The following EPHA3 variants were observed in gnomAD, a reference collection of about 807,000 sequenced individuals.
The protein encoded by EPHA3 is EPH receptor A3.
In EPHA3, 42 loss-of-function variants were observed where a neutral mutation model predicts 107.1. The ratio of observed to expected loss-of-function variants is 0.39; its 90% CI spans 0.31 to 0.51. The LOEUF (loss-of-function observed/expected upper bound fraction) is 0.51. EPHA3 is among the 20% of genes least tolerant of loss of function. The probability of loss-of-function intolerance (pLI) is 0.78; values close to 1 mark genes in which losing one functional copy is unlikely to be tolerated. For synonymous variants in EPHA3, 461 were observed against 424.8 expected, an observed-to-expected ratio of 1.09 and a Z score of -1.05; for missense variants, 1,183 against 1,211.2, an observed-to-expected ratio of 0.98 and a Z score of 0.35.
At chr3:89,385,545 C>T (rs1209223393) in intron 5 of EPHA3, among the ~76,000 whole-genome samples, 1 of 152,158 alleles carries the variant, frequency 6.6e-6, no homozygotes, top group East Asian at 1.9e-4. Flanking sequence ...CCTGAGGCCT[C>T]CCTAGTCCTG....
chr3:89,435,714 A>G (rs1321366055), intron 13 of EPHA3, among the ~76,000 whole-genome samples: 1 of 149,638 alleles, frequency 6.7e-6, no homozygotes, highest in Non-Finnish European at 1.5e-5. Flanking sequence ...GCACTTTGAG[A>G]GGCTAAAGCA....
chr3:89,196,101 C>A (rs1705831112), intron 2 of EPHA3, among the ~76,000 whole-genome samples: 2 of 152,086 alleles, frequency 1.3e-5, no homozygotes, highest in Admixed American at 6.6e-5. Flanking sequence ...CCTTGGGATT[C>A]TTTACTGCTG....
chr3:89,266,669 C>T (rs560003806), intron 3 of EPHA3, among the ~76,000 whole-genome samples: 3 of 152,066 alleles, frequency 2.0e-5, no homozygotes, highest in African/African-American at 7.2e-5. Flanking sequence ...CTTTATGTTT[C>T]TTTATCCTTT....
At chr3:89,148,915 A>T (rs1301806393) in intron 2 of EPHA3, among the ~76,000 whole-genome samples, 1 of 152,038 alleles carries the variant, frequency 6.6e-6, no homozygotes, top group Non-Finnish European at 1.5e-5. Context: ...ACATATTATT[A>T]TTTCATTGGA....
chr3:89,172,168 A>T (rs1238780518), intron 2 of EPHA3, among the ~76,000 whole-genome samples: 4 of 152,066 alleles, frequency 2.6e-5, no homozygotes. Flanking sequence ...GACAGCAAGG[A>T]TGGGCTTTTT....
intron 2 of EPHA3, among the ~76,000 whole-genome samples, chr3:89,136,335 T>TTTTTTTTTTTTTTG (rs1704312597): frequency 7.5e-6 from 1 of 133,568 alleles, no homozygotes; most frequent in African/African-American, 2.8e-5. Flanking sequence ...ACAGGCTTTT[T>TTTTTTTTTTTTTTG]TTTTTTTTTT....
intron 5 of EPHA3, 97 bp from the exon 6 acceptor site, chr3:89,395,740 A>T (rs1425300599): frequency 7.0e-7 from 1 of 1,425,472 alleles, no homozygotes; most frequent in Admixed American, 1.9e-5. Flanking sequence ...GATAGACTCC[A>T]TTTGCATGTT....
intron 2 of EPHA3, among the ~76,000 whole-genome samples, chr3:89,155,974 A>G (rs1704796486): frequency 6.6e-6 from 1 of 152,072 alleles, no homozygotes; most frequent in South Asian, 2.1e-4. Context: ...GATTGTAAGT[A>G]TCCAAAGGAA....
chr3:89,287,548 T>C (rs1192079487), intron 3 of EPHA3, among the ~76,000 whole-genome samples: 2 of 152,014 alleles, frequency 1.3e-5, no homozygotes, highest in African/African-American at 2.4e-5. Flanking sequence ...AGCATTACCA[T>C]CCAGAGTAAC....
chr3:89,479,332 T>C, intron 16 of EPHA3, 65 bp from the exon 17 acceptor site: 1 of 1,300,456 alleles, frequency 7.7e-7, no homozygotes, highest in Non-Finnish European at 1.1e-6. Context: ...ATTGTGCTAA[T>C]TGAAAATCTC....
At chr3:89,362,285 C>A (rs1162049834) in intron 5 of EPHA3, among the ~76,000 whole-genome samples, 1 of 151,044 alleles carries the variant, frequency 6.6e-6, no homozygotes, top group East Asian at 1.9e-4. Flanking sequence ...CAGGCAGGAA[C>A]TCAGTCATTT....
At chr3:89,417,060 G>A (rs1709262516) in intron 10 of EPHA3, among the ~76,000 whole-genome samples, 1 of 151,416 alleles carries the variant, frequency 6.6e-6, no homozygotes, top group Admixed American at 6.6e-5. Flanking sequence ...CTTTAGGTGG[G>A]TCTGAACTCA....
chr3:89,257,380 T>C (rs1376073230), intron 3 of EPHA3, among the ~76,000 whole-genome samples: 1 of 152,164 alleles, frequency 6.6e-6, no homozygotes, highest in African/African-American at 2.4e-5. Context: ...ACTCCTCTCC[T>C]TGCTTTCACC....
chr3:89,324,564 T>C (rs1330878382), intron 3 of EPHA3, among the ~76,000 whole-genome samples: 2 of 152,082 alleles, frequency 1.3e-5, no homozygotes, highest in Non-Finnish European at 2.9e-5. Flanking sequence ...CTTCTATTGC[T>C]ATATCATTGG....
chr3:89,289,174 A>G (rs1186924765), intron 3 of EPHA3, among the ~76,000 whole-genome samples: 6 of 152,270 alleles, frequency 3.9e-5, no homozygotes, highest in South Asian at 2.1e-4. Context: ...AGCAATCTCT[A>G]TCTACCATTG....
At chr3:89,188,655 T>C (rs1705629052) in intron 2 of EPHA3, among the ~76,000 whole-genome samples, 1 of 152,210 alleles carries the variant, frequency 6.6e-6, no homozygotes, top group African/African-American at 2.4e-5. Flanking sequence ...ACAGGTGCTA[T>C]TACAAACTTC....
At chr3:89,145,901 T>G (rs565829294) in intron 2 of EPHA3, among the ~76,000 whole-genome samples, 39 of 151,906 alleles carry the variant, frequency 2.6e-4, no homozygotes, top group African/African-American at 9.2e-4. Context: ...AGTTGCATAA[T>G]TTAGTTAAAA....
chr3:89,451,880 CGTGTGT>C (rs146055053), intron 15 of EPHA3, among the ~76,000 whole-genome samples: 200 of 144,258 alleles, frequency 1.4e-3, no homozygotes, highest in Non-Finnish European at 2.5e-3. Context: ...TCAAGCAGGG[CGTGTGT>C]GTGTGTGTGT....
At chr3:89,416,770 T>G (rs1709256879) in intron 10 of EPHA3, among the ~76,000 whole-genome samples, 1 of 151,432 alleles carries the variant, frequency 6.6e-6, no homozygotes. Context: ...ATTTCGAAGG[T>G]AAATATATAC....
Sources: allele counts gnomAD v4.1 joint callset (sites outside exome capture counted in the v4.1 genomes callset), GRCh38; gene constraint gnomAD v4.1.1; transcripts MANE v1.5; gene names NCBI Gene and HGNC (gene_info 2026-07-23, HGNC 2026-07-21).